Variants in KDM6A observed in about 807,000 individuals in gnomAD.
KDM6A encodes the protein lysine demethylase 6A.
Under a neutral mutation model 117.6 loss-of-function variants are expected in KDM6A, and 11 were observed. That is an observed-to-expected ratio of 0.09 (90% confidence interval 0.06 to 0.15). The LOEUF (loss-of-function observed/expected upper bound fraction) is 0.15, where lower values mean the gene tolerates loss of function less well. Ranked by LOEUF, KDM6A falls within the 10% of genes least tolerant of loss-of-function variation. The pLI, the probability that KDM6A is intolerant of heterozygous loss-of-function variation, is 1.00. For missense variants in KDM6A, 799 were observed against 1,077.3 expected (o/e 0.74, Z 3.62); for synonymous variants, 384 against 396.1 (o/e 0.97, Z 0.36).
chrX:44,981,043 C>T (rs1363718497), intron 4 of KDM6A, among the ~76,000 whole-genome samples: 1 of 111,155 alleles, frequency 9.0e-6, no homozygotes, highest in African/African-American at 3.3e-5. Context: ...AACTCAGTTC[C>T]TCCTATACTC....
intron 2 of KDM6A, among the ~76,000 whole-genome samples, chrX:44,877,832 A>AAAATGTAT (rs2031839067): frequency 9.0e-6 from 1 of 111,571 alleles, no homozygotes; most frequent in Admixed American, 9.6e-5. Flanking sequence ...ATATCACTTA[A>AAAATGTAT]AAATGTATGT....
At chrX:44,951,760 T>C (rs1213406473) in intron 2 of KDM6A, among the ~76,000 whole-genome samples, 1 of 110,800 alleles carries the variant, frequency 9.0e-6, no homozygotes, top group Admixed American at 9.7e-5. Context: ...TGCACATGAC[T>C]TTAGGTCCCT....
chrX:44,896,051 T>C (rs762539346), intron 2 of KDM6A, among the ~76,000 whole-genome samples: 2 of 110,038 alleles, frequency 1.8e-5, no homozygotes, highest in African/African-American at 3.3e-5. Flanking sequence ...TTAGGTCCTT[T>C]TGCCCTCTTT....
intron 2 of KDM6A, among the ~76,000 whole-genome samples, chrX:44,920,431 T>C (rs1474337368): frequency 9.1e-6 from 1 of 110,198 alleles, no homozygotes; most frequent in Non-Finnish European, 1.9e-5. Flanking sequence ...TATATCTTTT[T>C]ACTTTTATTT....
At chrX:45,109,404 G>A (rs751378769) in intron 28 of KDM6A, among the ~76,000 whole-genome samples, 2 of 111,300 alleles carry the variant, frequency 1.8e-5, no homozygotes, top group Admixed American at 9.5e-5. Flanking sequence ...TGAACTCTAG[G>A]ATTGTAGTTA....
chrX:44,946,956 T>C (rs1460415895), intron 2 of KDM6A, among the ~76,000 whole-genome samples: 1 of 111,951 alleles, frequency 8.9e-6, no homozygotes, highest in African/African-American at 3.3e-5. Context: ...TTTGATTATG[T>C]TTGTAGTATT....
At chrX:44,908,371 A>T (rs1244331840) in intron 2 of KDM6A, among the ~76,000 whole-genome samples, 2 of 111,367 alleles carry the variant, frequency 1.8e-5, no homozygotes, top group African/African-American at 6.5e-5. Context: ...TACAGCAGGG[A>T]TATCTTCTTT....
chrX:44,981,710 C>T (rs1172970795), intron 4 of KDM6A, among the ~76,000 whole-genome samples: 1 of 111,178 alleles, frequency 9.0e-6, no homozygotes, highest in Non-Finnish European at 1.9e-5. Context: ...GGCTGCCTGC[C>T]CTGAGTTATC....
chrX:44,984,648 G>T (rs2040103773), intron 4 of KDM6A, among the ~76,000 whole-genome samples: 1 of 111,511 alleles, frequency 9.0e-6, no homozygotes, highest in Non-Finnish European at 1.9e-5. Flanking sequence ...AGTTTTCCCA[G>T]CACCATTTAT....
intron 27 of KDM6A, among the ~76,000 whole-genome samples, chrX:45,091,178 T>C (rs1346024713): frequency 9.0e-6 from 1 of 111,435 alleles, no homozygotes; most frequent in Non-Finnish European, 1.9e-5. Context: ...CATTAATAAC[T>C]TGAGGGGAAA....
At chrX:44,874,188 T>C (rs1264270187) in intron 2 of KDM6A, among the ~76,000 whole-genome samples, 3 of 111,507 alleles carry the variant, frequency 2.7e-5, no homozygotes, top group Admixed American at 9.5e-5. Flanking sequence ...TTTCCTCTTG[T>C]AGCTGGAGGA....
chrX:45,016,828 A>G (rs989362677), intron 5 of KDM6A, among the ~76,000 whole-genome samples: 3 of 111,348 alleles, frequency 2.7e-5, no homozygotes, highest in African/African-American at 6.5e-5. Flanking sequence ...GTCTTTCCAA[A>G]TGTACTGGAA....
chrX:45,075,399 A>T (rs1372087372), intron 18 of KDM6A, among the ~76,000 whole-genome samples: 1 of 111,825 alleles, frequency 8.9e-6, no homozygotes, highest in African/African-American at 3.2e-5. Flanking sequence ...GTGGAAAGAG[A>T]TTGAAAACTA....
At chrX:45,030,334 G>A (rs1260836822) in intron 6 of KDM6A, among the ~76,000 whole-genome samples, 2 of 85,095 alleles carry the variant, frequency 2.4e-5, no homozygotes, top group African/African-American at 9.5e-5. Context: ...TTTTAGAAAA[G>A]ACCGGCTGGT....
At position 44,921,288 on chromosome X, in the gene KDM6A, A is replaced by G. The variant is rs778141782; in HGVS notation, c.226-39996A>G. On this transcript the variant is annotated intron_variant, in intron 2 of 29. Transcript: ENST00000611820. ...TGCACTCTTTACCCAACTTTCCCCA[A>G]TGTTAGCATCTTGCTTAACTACCGT... 9.8e-5 allele frequency among the ~76,000 whole-genome samples: 11 copies of G among 112,069 alleles called. No homozygotes were observed. The East Asian group carries it at 1.4e-3, about 14-fold the overall frequency.
chrX:45,069,606 T>A lies in KDM6A; in HGVS notation c.2107T>A (p.Ser703Thr). The stretch of plus-strand genomic sequence containing the variant: ...GCTTCACAAAGGTCAGAGTTCACAT[T>A]CGGCAGGTCCTAATGGTGAACGACC... ...QGLHKGQSSHSAGPNGERPLS... is the reference protein window; with the variant it reads ...QGLHKGQSSHTAGPNGERPLS... The change falls in exon 18 of 30, where the codon TCG becomes ACG. Residue 703 changes from serine to threonine, a missense_variant. Physicochemically the swap from Ser to Thr is moderately conservative, Grantham distance 58. Coordinates refer to ENST00000611820, the MANE Select transcript of KDM6A (RefSeq NM_001291415.2). 8.3e-7 allele frequency: 1 copy of A among 1,211,316 alleles called. No individual in the cohort carries two copies. Among genetic ancestry groups the A allele is most frequent in the Non-Finnish European group, 1.1e-6 (1 of 895,164 alleles).
chrX:44,921,265 C>T (rs1423144096), intron 2 of KDM6A, among the ~76,000 whole-genome samples: 1 of 111,985 alleles, frequency 8.9e-6, no homozygotes, highest in East Asian at 2.8e-4. Context: ...AGGTCTTGTG[C>T]ACTCTTTACC....
At chrX:44,986,742 G>A (rs1428465266) in intron 4 of KDM6A, among the ~76,000 whole-genome samples, 1 of 111,961 alleles carries the variant, frequency 8.9e-6, no homozygotes, top group Non-Finnish European at 1.9e-5. Context: ...TCTTAATCCT[G>A]AGTTCTAGTT....
At chrX:44,947,437 G>C (rs1026839785) in intron 2 of KDM6A, among the ~76,000 whole-genome samples, 2 of 106,913 alleles carry the variant, frequency 1.9e-5, no homozygotes, top group African/African-American at 6.9e-5. Context: ...GTGCAGTGGC[G>C]TGATCTTGGC....
Sources: allele counts gnomAD v4.1 joint callset (sites outside exome capture counted in the v4.1 genomes callset), GRCh38; gene constraint gnomAD v4.1.1; transcripts MANE v1.5; gene names NCBI Gene and HGNC (gene_info 2026-07-23, HGNC 2026-07-21).